ARB2A: variants seen among roughly 807,000 people sequenced by gnomAD.
ARB2A encodes cotranscriptional regulator ARB2A.
chr5:93,653,846 A>G, the ARB2A span, among the ~76,000 whole-genome samples: 1 of 152,236 alleles, frequency 6.6e-6, no homozygotes, highest in African/African-American at 2.4e-5. Flanking sequence ...GAAACTGACC[A>G]AAGAGATTAA....
chr5:93,968,849 C>A, the ARB2A span, among the ~76,000 whole-genome samples: 11 of 151,954 alleles, frequency 7.2e-5, no homozygotes, highest in Non-Finnish European at 1.3e-4. Context: ...ATGAGAATTA[C>A]ATCGGACTTC....
the ARB2A span, among the ~76,000 whole-genome samples, chr5:93,921,324 T>C: frequency 2.6e-5 from 4 of 152,276 alleles, no homozygotes; most frequent in Admixed American, 6.5e-5. Flanking sequence ...TAGATTCTTA[T>C]ATGATTTGAG....
At chr5:94,012,259 A>T in the ARB2A span, among the ~76,000 whole-genome samples, 1 of 152,118 alleles carries the variant, frequency 6.6e-6, no homozygotes, top group South Asian at 2.1e-4. Context: ...AAAATTAGCC[A>T]GGCGTGGTGG....
At chr5:93,970,150 A>G in the ARB2A span, among the ~76,000 whole-genome samples, 1 of 152,122 alleles carries the variant, frequency 6.6e-6, no homozygotes, top group Non-Finnish European at 1.5e-5. Flanking sequence ...TATTAACTAC[A>G]TAAGATAAAA....
chr5:93,638,483 T>C, the ARB2A span, among the ~76,000 whole-genome samples: 1 of 152,148 alleles, frequency 6.6e-6, no homozygotes, highest in Admixed American at 6.6e-5. Flanking sequence ...GGTGCTACTA[T>C]AAATGGATCT....
the ARB2A span, chr5:93,784,151 A>G: frequency 2.4e-6 from 1 of 419,464 alleles, no homozygotes; most frequent in East Asian, 4.3e-5. Context: ...CACTATACAC[A>G]TATAGTGTTC....
chr5:94,050,578 C>T, the ARB2A span, among the ~76,000 whole-genome samples: 1 of 149,158 alleles, frequency 6.7e-6, no homozygotes, highest in Non-Finnish European at 1.5e-5. Flanking sequence ...ATGCTTCTAA[C>T]ATAACCACTA....
the ARB2A span, among the ~76,000 whole-genome samples, chr5:94,097,327 C>T: frequency 6.6e-6 from 1 of 152,154 alleles, no homozygotes; most frequent in South Asian, 2.1e-4. Flanking sequence ...ATGGCCACCC[C>T]CACAGTTCAT....
the ARB2A span, among the ~76,000 whole-genome samples, chr5:93,925,213 T>C: frequency 6.6e-6 from 1 of 152,250 alleles, no homozygotes; most frequent in East Asian, 1.9e-4. Context: ...AAAGAAAACA[T>C]CTAATATTAA....
the ARB2A span, among the ~76,000 whole-genome samples, chr5:93,729,081 C>T: frequency 6.6e-6 from 1 of 152,036 alleles, no homozygotes; most frequent in African/African-American, 2.4e-5. Flanking sequence ...CCTCCCCTTC[C>T]TGACTTTTGG....
chr5:93,998,899 G>GA, the ARB2A span, among the ~76,000 whole-genome samples: 2 of 151,884 alleles, frequency 1.3e-5, no homozygotes, highest in Non-Finnish European at 2.9e-5. Context: ...TCCAAGAAAA[G>GA]AAAAAGAAAT....
chr5:93,963,209 GA>G, the ARB2A span, among the ~76,000 whole-genome samples: 1 of 152,026 alleles, frequency 6.6e-6, no homozygotes, highest in East Asian at 1.9e-4. Flanking sequence ...TACTTTAAAT[GA>G]AGTAAAATGC....
the ARB2A span, among the ~76,000 whole-genome samples, chr5:93,776,642 G>T: frequency 5.9e-5 from 9 of 152,142 alleles, no homozygotes; most frequent in Admixed American, 5.9e-4. Context: ...GCCTGGCGTG[G>T]TGGTGCATGC....
chr5:93,724,436 T>C, the ARB2A span, among the ~76,000 whole-genome samples: 3 of 152,174 alleles, frequency 2.0e-5, no homozygotes, highest in East Asian at 3.9e-4. Context: ...ATAAGATTCA[T>C]CATTGCTTTT....
chr5:93,649,555 TATGA>T, the ARB2A span, among the ~76,000 whole-genome samples: 1 of 152,224 alleles, frequency 6.6e-6, no homozygotes, highest in African/African-American at 2.4e-5. Flanking sequence ...AGGCACCAAC[TATGA>T]ATGGGAATAA....
the ARB2A span, among the ~76,000 whole-genome samples, chr5:94,047,523 A>G: frequency 5.9e-5 from 9 of 152,078 alleles, no homozygotes; most frequent in African/African-American, 2.2e-4. Context: ...TAAATGTTAT[A>G]ATTTTGGGTA....
chr5:94,076,595 C>G, the ARB2A span, among the ~76,000 whole-genome samples: 2 of 152,146 alleles, frequency 1.3e-5, no homozygotes. Context: ...TCAAAACAAA[C>G]AAATATCTGC....
At chr5:93,861,300 CTTT>C in the ARB2A span, 2 of 105,686 alleles carry the variant, frequency 1.9e-5, no homozygotes, top group African/African-American at 7.5e-5. Context: ...AACTTCTACT[CTTT>C]TTTTCTTTTT....
chr5:93,707,464 T>C, the ARB2A span, among the ~76,000 whole-genome samples: 2 of 152,078 alleles, frequency 1.3e-5, no homozygotes, highest in Non-Finnish European at 2.9e-5. Flanking sequence ...AATTAAAAAA[T>C]TCATTATTTT....
Sources: gnomAD v4.1 joint callset for allele counts (sites outside exome capture counted in the v4.1 genomes callset) on GRCh38, gnomAD v4.1.1 for gene constraint, MANE v1.5 for transcripts, NCBI Gene and HGNC (gene_info 2026-07-23, HGNC 2026-07-21) for gene names.